Variants in GNB5 observed in about 807,000 individuals in gnomAD.
The protein encoded by GNB5 is G protein subunit beta 5.
In GNB5, 37 loss-of-function variants were observed where a neutral mutation model predicts 55.3. That is an observed-to-expected ratio of 0.67 (90% CI 0.51 to 0.88). The LOEUF is 0.88. GNB5 is among the 40% of genes least tolerant of loss of function. The probability of loss-of-function intolerance (pLI) is 0.00; values close to 1 mark genes in which losing one functional copy is unlikely to be tolerated. For synonymous variants in GNB5, 219 were observed against 198.5 expected, an observed-to-expected ratio of 1.10 and a Z score of -0.87; for missense variants, 476 against 515.3, an observed-to-expected ratio of 0.92 and a Z score of 0.74.
intron 3 of GNB5, among the ~76,000 whole-genome samples, chr15:52,177,028 CTTTTTT>C (rs545411940): frequency 1.3e-5 from 1 of 77,820 alleles, no homozygotes. Flanking sequence ...CTAGCTCCTC[CTTTTTT>C]TTTTTTTTTT....
intron 9 of GNB5, chr15:52,128,832 CAATGAT>C: frequency 2.3e-6 from 1 of 433,946 alleles, no homozygotes; most frequent in Non-Finnish European, 4.7e-6. Flanking sequence ...ATTGTCTTCT[CAATGAT>C]TAGTGAGAAA....
chr15:52,163,939 C>T (rs2034395477), intron 3 of GNB5, among the ~76,000 whole-genome samples: 1 of 152,088 alleles, frequency 6.6e-6, no homozygotes, highest in Non-Finnish European at 1.5e-5. Flanking sequence ...GCAGGAGGGA[C>T]CCAGGCAATA....
At chr15:52,169,296 G>C (rs546381976) in intron 3 of GNB5, among the ~76,000 whole-genome samples, 22 of 152,116 alleles carry the variant, frequency 1.4e-4, no homozygotes, top group Non-Finnish European at 2.8e-4. Context: ...CTCCAGCCTG[G>C]GTGACTGAGG....
At position 52,184,615 on chromosome 15, in the gene GNB5, C is replaced by T. The variant is rs745575012; in HGVS notation, c.62G>A (p.Arg21Gln). 26 of 1,612,750 alleles carry T rather than the reference C, an allele frequency of 1.6e-5. 1 individual carries two copies. The highest frequency in any genetic ancestry group is 1.4e-4 in the South Asian group (13 of 91,050). ...FGSCDKCFKQ[R>Q]ALRPVFKKSQ... Reference sequence around the variant, plus strand: ...CTTCTTGAAAACTGGTCTCAGAGCTCGTTGTTTGAAACATTTGTCACATGA... The same window carrying T: ...CTTCTTGAAAACTGGTCTCAGAGCTTGTTGTTTGAAACATTTGTCACATGA... The change falls in exon 2 of 13, where the codon CGA (arginine) becomes CAA (glutamine). Residue 21 changes from arginine (R) to glutamine (Q), a missense_variant. Transcript: ENST00000261837.
intron 6 of GNB5, among the ~76,000 whole-genome samples, chr15:52,142,094 G>A (rs1363647275): frequency 6.6e-6 from 1 of 152,162 alleles, no homozygotes; most frequent in African/African-American, 2.4e-5. Context: ...TTGCCAATAA[G>A]AGTATCAAGG....
chr15:52,151,248 C>T (rs1011571771), intron 4 of GNB5, among the ~76,000 whole-genome samples: 6 of 152,124 alleles, frequency 3.9e-5, no homozygotes, highest in African/African-American at 7.2e-5. Flanking sequence ...ACCTGGAGCC[C>T]CTGATGGCTG....
chr15:52,149,557 C>T (rs1380207286), intron 5 of GNB5: 2 of 569,148 alleles, frequency 3.5e-6, no homozygotes, highest in African/African-American at 3.7e-5. Context: ...AATTTTGGTG[C>T]CTCTTATCAC....
intron 3 of GNB5, among the ~76,000 whole-genome samples, chr15:52,178,148 A>T (rs925916695): frequency 4.6e-5 from 7 of 152,212 alleles, no homozygotes; most frequent in African/African-American, 1.7e-4. Flanking sequence ...GGGTTTGGCG[A>T]AAATAATCTG....
intron 3 of GNB5, among the ~76,000 whole-genome samples, chr15:52,164,721 AAAGACTT>A (rs1299540024): frequency 8.5e-5 from 13 of 152,176 alleles, no homozygotes; most frequent in Admixed American, 8.5e-4. Context: ...CAGCAACCTC[AAAGACTT>A]AAGATAGATA....
At chr15:52,142,572 T>A (rs59851373) in intron 6 of GNB5, among the ~76,000 whole-genome samples, 21,046 of 151,224 alleles carry the variant, frequency 0.14, 1,591 homozygotes, top group East Asian at 0.22. Context: ...TTTTTTTTTT[T>A]AATATATGTA....
At chr15:52,156,901 G>T (rs192323724) in intron 3 of GNB5, among the ~76,000 whole-genome samples, 1 of 151,432 alleles carries the variant, frequency 6.6e-6, no homozygotes, top group Non-Finnish European at 1.5e-5. Context: ...AAAATACATC[G>T]AATGAAGTTT....
rs1293673907 is a variant in GNB5 at position 52,122,238 on chromosome 15, T to C, written c.*519A>G. 1.3e-5 allele frequency: 2 copies of C among 152,556 alleles called. No individual in the cohort carries two copies. Among genetic ancestry groups the C allele is most frequent in the Middle Eastern group, 3.1e-3 (1 of 318 alleles). 9.5% of individuals were successfully genotyped at this position (152,556 alleles called of 1,614,324 possible). ...AAGATACTTTTACAATAAAAACACA[T>C]TCTAAAAAAATGATTTTTGTCTAAT... On this transcript the variant is annotated 3_prime_UTR_variant, in exon 13 of 13. Coordinates refer to ENST00000261837, the MANE Select transcript of GNB5 (RefSeq NM_016194.4).
intron 3 of GNB5, among the ~76,000 whole-genome samples, chr15:52,162,186 C>T (rs78998363): frequency 0.026 from 4,020 of 152,252 alleles, 72 homozygotes; most frequent in Middle Eastern, 0.051. Context: ...CTCCTCGGAG[C>T]CTGCACCCTG....
chr15:52,125,195 T>A (rs1320447966), intron 11 of GNB5: 1 of 152,708 alleles, frequency 6.5e-6, no homozygotes, highest in Non-Finnish European at 1.5e-5. Context: ...TTCTTTCTTT[T>A]TTTGACATGA....
At chr15:52,150,083 A>G (rs545281169) in intron 4 of GNB5, among the ~76,000 whole-genome samples, 158 bp from the exon 5 acceptor site, 1 of 152,186 alleles carries the variant, frequency 6.6e-6, no homozygotes, top group Non-Finnish European at 1.5e-5. Flanking sequence ...CATGAAAAAA[A>G]GTGGGGTGAG....
At chr15:52,145,617 C>T (rs775117161) in intron 6 of GNB5, among the ~76,000 whole-genome samples, 1 of 152,072 alleles carries the variant, frequency 6.6e-6, no homozygotes, top group Admixed American at 6.5e-5. Flanking sequence ...TGCACTCCAG[C>T]CTGGGTGACA....
In GNB5 at chr15:52,126,001, T is replaced by A; in HGVS notation, c.956A>T (p.Tyr319Phe). The change falls in exon 11 of 13, where the codon TAT becomes TTT. Residue 319 changes from tyrosine (Y) to phenylalanine (F), a missense_variant. Physicochemically the swap from Tyr to Phe is conservative, Grantham distance 22 (BLOSUM62 3). Coordinates refer to ENST00000261837, the MANE Select transcript of GNB5 (RefSeq NM_016194.4). ...TCCAAATATGATGCTTTCTTTGGAATAGATGGCAACCTCCCTATCTGCCCG... is the reference window on the plus strand; with the variant it reads ...TCCAAATATGATGCTTTCTTTGGAAAAGATGGCAACCTCCCTATCTGCCCG... ...DLRADREVAI[Y>F]SKESIIFGAS... The A allele has an allele frequency of 6.3e-7, 1 of 1,590,754 alleles. No individual in the cohort carries two copies. Among genetic ancestry groups the A allele is most frequent in the South Asian group, 1.1e-5 (1 of 89,384 alleles).
At chr15:52,175,509 C>A (rs983447330) in intron 3 of GNB5, among the ~76,000 whole-genome samples, 2 of 150,892 alleles carry the variant, frequency 1.3e-5, no homozygotes, top group Non-Finnish European at 3.0e-5. Flanking sequence ...GAGGCTGAGG[C>A]GGGCAGATCA....
chr15:52,129,911 C>T (rs567123103), intron 9 of GNB5, among the ~76,000 whole-genome samples: 5 of 152,212 alleles, frequency 3.3e-5, no homozygotes, highest in Non-Finnish European at 7.4e-5. Flanking sequence ...AACACTAGTT[C>T]GTTTTGTTTT....
Sources: gnomAD v4.1 joint callset for allele counts (sites outside exome capture counted in the v4.1 genomes callset) on GRCh38, gnomAD v4.1.1 for gene constraint, MANE v1.5 for transcripts, NCBI Gene and HGNC (gene_info 2026-07-23, HGNC 2026-07-21) for gene names.